The following ALG14 variants were observed in gnomAD, a reference collection of about 807,000 sequenced individuals.
ALG14 encodes the protein UDP-N-acetylglucosamine transferase subunit ALG14.
ALG14 carries 17 observed loss-of-function variants against 22.8 expected under a neutral mutation model. The ratio of observed to expected loss-of-function variants is 0.75; its 90% CI spans 0.51 to 1.12. The LOEUF is 1.12. ALG14 is among the 50% of genes most tolerant of loss of function. ALG14 has a pLI of 0.00. For missense variants in ALG14, 288 were observed against 271.8 expected, an observed-to-expected ratio of 1.06 and a Z score of -0.42; for synonymous variants, 89 against 103.7, an observed-to-expected ratio of 0.86 and a Z score of 0.86.
At chr1:95,018,182 T>A (rs937946512) in intron 3 of ALG14, among the ~76,000 whole-genome samples, 2 of 152,136 alleles carry the variant, frequency 1.3e-5, no homozygotes, top group African/African-American at 4.8e-5. Context: ...AGATTGGAAA[T>A]TATAGGAAAT....
At chr1:95,029,909 T>A (rs1394056040) in intron 2 of ALG14, among the ~76,000 whole-genome samples, 3 of 152,218 alleles carry the variant, frequency 2.0e-5, no homozygotes, top group Admixed American at 2.0e-4. Context: ...AATCAATGTT[T>A]TTCCTTCCAG....
chr1:95,072,894 A>G lies in ALG14; in HGVS notation c.5T>C (p.Val2Ala). The change falls in exon 1 of 4, where the codon GTG becomes GCG. Residue 2 changes from valine (V) to alanine (A), a missense_variant. Coordinates refer to ENST00000370205, the MANE Select transcript of ALG14 (RefSeq NM_144988.4). MVCVLVLAAAAG... is the reference protein window; with the variant it reads MACVLVLAAAAG... ...GGCCGCAGCTAGAACGAGAACGCACACCATGCAGAGAAACGGCGCATGCGT... is the reference window on the plus strand; with the variant it reads ...GGCCGCAGCTAGAACGAGAACGCACGCCATGCAGAGAAACGGCGCATGCGT... 1 of 1,614,008 alleles carries G rather than the reference A, an allele frequency of 6.2e-7. No individual in the cohort carries two copies.
chr1:94,998,474 G>A (rs1672964688), intron 3 of ALG14, among the ~76,000 whole-genome samples: 1 of 152,216 alleles, frequency 6.6e-6, no homozygotes, highest in Non-Finnish European at 1.5e-5. Flanking sequence ...TAAATGTGAT[G>A]TTAATTATAA....
intron 2 of ALG14, among the ~76,000 whole-genome samples, chr1:95,039,102 A>C (rs185589204): frequency 2.0e-5 from 3 of 152,250 alleles, no homozygotes; most frequent in Non-Finnish European, 4.4e-5. Context: ...AAAATTTTCT[A>C]AGTATAATAG....
intron 2 of ALG14, among the ~76,000 whole-genome samples, chr1:95,051,929 G>A (rs779234062): frequency 2.6e-5 from 4 of 151,906 alleles, no homozygotes; most frequent in Non-Finnish European, 4.4e-5. Context: ...TTTCACTAAC[G>A]CATTATAAAT....
At chr1:95,061,961 TAAG>T (rs1388107664) in intron 2 of ALG14, 2 of 150,182 alleles carry the variant, frequency 1.3e-5, no homozygotes, top group Non-Finnish European at 3.0e-5. Context: ...CTTCCTTAAT[TAAG>T]AAGTAGTTTC....
intron 3 of ALG14, among the ~76,000 whole-genome samples, chr1:94,992,909 G>C (rs140875021): frequency 3.3e-4 from 50 of 151,974 alleles, no homozygotes; most frequent in Non-Finnish European, 6.5e-4. Flanking sequence ...GTCAATAAAT[G>C]GTAGCTATTA....
At chr1:95,020,696 C>A (rs1461029971) in intron 3 of ALG14, among the ~76,000 whole-genome samples, 1 of 150,724 alleles carries the variant, frequency 6.6e-6, no homozygotes, top group Non-Finnish European at 1.5e-5. Context: ...CAAGATCACA[C>A]CATTGCACTC....
At chr1:94,992,952 G>A (rs1205839216) in intron 3 of ALG14, among the ~76,000 whole-genome samples, 1 of 151,778 alleles carries the variant, frequency 6.6e-6, no homozygotes, top group Non-Finnish European at 1.5e-5. Context: ...GTATACTTGT[G>A]GCATTTTTCA....
At chr1:94,986,546 C>T (rs1187613512) in intron 3 of ALG14, among the ~76,000 whole-genome samples, 1 of 152,064 alleles carries the variant, frequency 6.6e-6, no homozygotes, top group Non-Finnish European at 1.5e-5. Context: ...AATCTCGGCT[C>T]ACTGCAACCT....
intron 2 of ALG14, among the ~76,000 whole-genome samples, chr1:95,045,853 G>A (rs936258136): frequency 1.1e-5 from 1 of 87,146 alleles, no homozygotes; most frequent in Admixed American, 1.3e-4. Context: ...CATACTAATA[G>A]AATTAGTATA....
At chr1:95,063,849 T>C (rs985748457) in intron 2 of ALG14, among the ~76,000 whole-genome samples, 4 of 152,220 alleles carry the variant, frequency 2.6e-5, no homozygotes, top group African/African-American at 7.2e-5. Flanking sequence ...GGGAATAGCA[T>C]TGAATCTATA....
At chr1:94,999,793 C>T (rs1456892196) in intron 3 of ALG14, among the ~76,000 whole-genome samples, 1 of 152,222 alleles carries the variant, frequency 6.6e-6, no homozygotes, top group Non-Finnish European at 1.5e-5. Context: ...AGCTCTCCTA[C>T]TATGATACAT....
chr1:95,014,451 C>T (rs924352075), intron 3 of ALG14, among the ~76,000 whole-genome samples: 1 of 152,172 alleles, frequency 6.6e-6, no homozygotes, highest in African/African-American at 2.4e-5. Flanking sequence ...TGAGGCAGGT[C>T]AATTCTGTTC....
intron 3 of ALG14, among the ~76,000 whole-genome samples, chr1:94,992,802 G>C (rs1490925464): frequency 6.6e-6 from 1 of 152,062 alleles, no homozygotes; most frequent in East Asian, 1.9e-4. Context: ...AACCAAACCA[G>C]AAGCAAATGT....
At chr1:95,057,306 C>T (rs2100825551) in intron 2 of ALG14, among the ~76,000 whole-genome samples, 1 of 151,606 alleles carries the variant, frequency 6.6e-6, no homozygotes, top group South Asian at 2.1e-4. Flanking sequence ...ATTCAATCAA[C>T]CATGGATCGA....
chr1:95,041,616 T>TA lies in ALG14; in HGVS notation c.289-14357dup, dbSNP rs568439755. 738 of 122,760 alleles carry TA rather than the reference T, an allele frequency of 6.0e-3. 3 individuals carry two copies. The highest frequency in any genetic ancestry group is 0.016 in the African/African-American group (534 of 32,834). 7.6% of individuals were successfully genotyped at this position (122,760 alleles called of 1,614,324 possible). A position where few individuals can be genotyped will look rare whatever the true frequency, so the allele number is the denominator to read the frequency against. ...GGCAGACAGTGAGACCCCGTCTCTT[T>TA]AAAAAAAAAAAAAAAGAAAGAAAGA... On this transcript the variant is annotated intron_variant, in intron 2 of 3. Transcript: ENST00000370205.
Position 94,979,337 on chromosome 1 carries a change from A to G in ALG14, c.*3739T>C, listed in dbSNP as rs983980029. On this transcript the variant is annotated 3_prime_UTR_variant, in exon 4 of 4. Transcript: ENST00000370205. ...AAAGAAAGAAAAAAGTGAAACAAGT[A>G]TACAGAACTAGCATGAGGGGAAGTC... is the stretch of plus-strand genomic sequence containing the variant. 1.8e-4 allele frequency: 27 copies of G among 151,708 alleles called. No individual in the cohort carries two copies. Among genetic ancestry groups the G allele is most frequent in the African/African-American group, 5.8e-4 (24 of 41,298 alleles). The allele number at this position is 151,708 out of a possible 1,614,324, so 9.4% of individuals were successfully genotyped here.
intron 2 of ALG14, among the ~76,000 whole-genome samples, chr1:95,058,284 GAAAAAAAAAA>G (rs56748968): frequency 2.9e-4 from 6 of 20,514 alleles, no homozygotes; most frequent in East Asian, 3.5e-3. Flanking sequence ...GACTCCATCT[GAAAAAAAAAA>G]AAAAAAAAAA....
Sources: allele counts gnomAD v4.1 joint callset (sites outside exome capture counted in the v4.1 genomes callset), GRCh38; gene constraint gnomAD v4.1.1; transcripts MANE v1.5; gene names NCBI Gene and HGNC (gene_info 2026-07-23, HGNC 2026-07-21).